The following AKAP17A variants were observed in gnomAD, a reference collection of about 807,000 sequenced individuals.
AKAP17A encodes the protein A-kinase anchoring protein 17A, also known as A-kinase anchor protein 17A.
AKAP17A carries 15 observed loss-of-function variants against 52.2 expected under a neutral mutation model. The ratio of observed to expected loss-of-function variants is 0.29; its 90% CI spans 0.19 to 0.44. The LOEUF is 0.44. Among genes scored for constraint, AKAP17A ranks in the 20% least tolerant of loss-of-function variants. The pLI is 1.00. For synonymous variants in AKAP17A, 514 were observed against 424.7 expected (o/e 1.21, Z -2.58); for missense variants, 1,060 against 1,007.0 (o/e 1.05, Z -0.71).
chrX:1,594,853 A>G (rs1398213641), intron 2 of AKAP17A, among the ~76,000 whole-genome samples: 4 of 152,104 alleles, frequency 2.6e-5, no homozygotes, highest in African/African-American at 9.7e-5. Context: ...TCCTGACCTC[A>G]TGAACTGCCT....
intron 4 of AKAP17A, chrX:1,599,697 G>A (rs1258306047): frequency 1.2e-5 from 8 of 641,736 alleles, no homozygotes; most frequent in African/African-American, 3.7e-5. Context: ...GCCTCCCGGG[G>A]GCCAGGGCAG....
intron 3 of AKAP17A, among the ~76,000 whole-genome samples, chrX:1,597,982 G>T (rs1205023619): frequency 6.6e-6 from 1 of 152,188 alleles, no homozygotes; most frequent in Non-Finnish European, 1.5e-5. Context: ...CAGAGGCTGA[G>T]CATGAGGGGA....
rs1452634976 is a variant in AKAP17A, at chrX:1,601,616, G to C, written c.*22G>C. On this transcript the variant is annotated 3_prime_UTR_variant, in exon 5 of 5. Transcript: ENST00000313871. ...GTAATGACGGGCACGGCCTCCCCAC[G>C]GCCTGTCCGGGAAAGACCAGGACCT... 7.1e-7 allele frequency: 1 copy of C among 1,407,708 alleles called. No individual in the cohort carries two copies. Among genetic ancestry groups the C allele is most frequent in the East Asian group, 2.7e-5 (1 of 37,070 alleles). 87.2% of individuals were successfully genotyped at this position (1,407,708 alleles called of 1,614,324 possible).
At position 1,601,711 on chromosome X, in the gene AKAP17A, C is replaced by T. The variant is rs1933396590; in HGVS notation, c.*117C>T. 7 of 955,158 alleles carry T rather than the reference C, an allele frequency of 7.3e-6. No homozygotes were observed. The East Asian group carries it at 2.2e-4, about 30-fold the overall frequency. 59.2% of individuals were successfully genotyped at this position (955,158 alleles called of 1,614,324 possible). ...TGCAAAGCCAAGACCCTTCTGCAGCCACGAATGTCCACGGAGCCCGCCGGC... is the reference window on the plus strand; with the variant it reads ...TGCAAAGCCAAGACCCTTCTGCAGCTACGAATGTCCACGGAGCCCGCCGGC... On this transcript the variant is annotated 3_prime_UTR_variant, in exon 5 of 5. Coordinates refer to ENST00000313871, the MANE Select transcript of AKAP17A (RefSeq NM_005088.3).
chrX:1,591,985 C>T (rs1368182619), intron 1 of AKAP17A, among the ~76,000 whole-genome samples: 17 of 109,470 alleles, frequency 1.6e-4, no homozygotes, highest in African/African-American at 5.9e-4. Flanking sequence ...GGTCGGGGTC[C>T]GGGGGTCCCT....
rs1463724802 is a variant in AKAP17A, at chrX:1,594,310, A to G, written c.762+86A>G. On this transcript the variant is annotated intron_variant, in intron 2 of 4. Coordinates refer to ENST00000313871, the MANE Select transcript of AKAP17A (RefSeq NM_005088.3). Reference sequence around the variant, plus strand: ...GGGTCAGCAGAACGCTCCCAGCCACACCCCTGAGGCTGTGGGGACCTCCCC... The same window carrying G: ...GGGTCAGCAGAACGCTCCCAGCCACGCCCCTGAGGCTGTGGGGACCTCCCC... 11 of 1,443,070 alleles carry G rather than the reference A, an allele frequency of 7.6e-6. No homozygotes were observed. The South Asian group carries it at 1.0e-4, about 13-fold the overall frequency. The allele number at this position is 1,443,070 out of a possible 1,614,324, so 89.4% of individuals were successfully genotyped here. A position where few individuals can be genotyped will look rare whatever the true frequency, so the allele number is the denominator to read the frequency against.
At chrX:1,592,665 C>G (rs1465855753) in intron 1 of AKAP17A, among the ~76,000 whole-genome samples, 6 of 152,080 alleles carry the variant, frequency 3.9e-5, no homozygotes, top group Non-Finnish European at 8.8e-5. Flanking sequence ...GGTGGGCGGC[C>G]GGGCCGGAGG....
chrX:1,601,692 GC>G lies in AKAP17A; in HGVS notation c.*100del. 8.4e-7 allele frequency: 1 copy of G among 1,191,426 alleles called. No individual in the cohort carries two copies. Among genetic ancestry groups the G allele is most frequent in the Non-Finnish European group, 1.1e-6 (1 of 919,050 alleles). 73.8% of individuals were successfully genotyped at this position (1,191,426 alleles called of 1,614,324 possible). ...GCCGCTCTCCGTCCACCCCTGCAAA[GC>G]CAAGACCCTTCTGCAGCCACGAATG... On this transcript the variant is annotated 3_prime_UTR_variant, in exon 5 of 5. Coordinates refer to ENST00000313871, the MANE Select transcript of AKAP17A (RefSeq NM_005088.3).
In AKAP17A at chrX:1,601,762, G is replaced by A. The variant is rs1292001065; in HGVS notation, c.*168G>A. The A allele has an allele frequency of 3.6e-6, 2 of 557,568 alleles. No individual in the cohort carries two copies. Among genetic ancestry groups the A allele is most frequent in the Non-Finnish European group, 5.7e-6 (2 of 353,282 alleles). 34.5% of individuals were successfully genotyped at this position (557,568 alleles called of 1,614,324 possible). On this transcript the variant is annotated 3_prime_UTR_variant, in exon 5 of 5. Coordinates refer to ENST00000313871, the MANE Select transcript of AKAP17A (RefSeq NM_005088.3). ...AGGAAGGAAGACACCATGCTTTAGAGATCCATCTTTCTCCACTCACCGCAG... is the reference window on the plus strand; with the variant it reads ...AGGAAGGAAGACACCATGCTTTAGAAATCCATCTTTCTCCACTCACCGCAG...
At chrX:1,598,300 C>T (rs1174713486) in intron 3 of AKAP17A, among the ~76,000 whole-genome samples, 4 of 151,958 alleles carry the variant, frequency 2.6e-5, no homozygotes, top group Admixed American at 2.0e-4. Flanking sequence ...GCACCTGGCC[C>T]GGCCCCCTTC....
At chrX:1,598,395 G>A (rs1213181880) in intron 3 of AKAP17A, among the ~76,000 whole-genome samples, 1 of 152,142 alleles carries the variant, frequency 6.6e-6, no homozygotes, top group Non-Finnish European at 1.5e-5. Context: ...TGTCTGCGTG[G>A]GTCTGTGTCA....
At chrX:1,595,929 G>T (rs1240655697) in intron 3 of AKAP17A, among the ~76,000 whole-genome samples, 2 of 152,120 alleles carry the variant, frequency 1.3e-5, no homozygotes, top group African/African-American at 4.8e-5. Context: ...TGCACGTATG[G>T]GTGTGTGTGC....
chrX:1,601,616 G>T lies in AKAP17A; in HGVS notation c.*22G>T. On this transcript the variant is annotated 3_prime_UTR_variant, in exon 5 of 5. Coordinates refer to ENST00000313871, the MANE Select transcript of AKAP17A (RefSeq NM_005088.3). ...GTAATGACGGGCACGGCCTCCCCAC[G>T]GCCTGTCCGGGAAAGACCAGGACCT... 2 of 1,407,824 alleles carry T rather than the reference G, an allele frequency of 1.4e-6. No individual in the cohort carries two copies. Among genetic ancestry groups the T allele is most frequent in the Non-Finnish European group, 1.8e-6 (2 of 1,088,008 alleles). 87.2% of individuals were successfully genotyped at this position (1,407,824 alleles called of 1,614,324 possible). A position where few individuals can be genotyped will look rare whatever the true frequency, so the allele number is the denominator to read the frequency against.
At position 1,594,043 on chromosome X, in the gene AKAP17A, C is replaced by T. The variant is rs1257340734; in HGVS notation, c.581C>T (p.Pro194Leu). The T allele has an allele frequency of 6.2e-7, 1 of 1,611,980 alleles. No homozygotes were observed. Reference sequence around the variant, plus strand: ...AATGTGGACATCCCCATGCTGGACCCCTACCGGGAGGAGATGACGGGCCGC... The same window carrying T: ...AATGTGGACATCCCCATGCTGGACCTCTACCGGGAGGAGATGACGGGCCGC... The part of the protein sequence containing the change: ...IRNVDIPMLD[P>L]YREEMTGRNF... Residue 194 changes from proline (P) to leucine (L), a missense_variant, in exon 2 of 5, where the codon CCC becomes CTC. This residue lies in a region of AKAP17A where 267 missense variants were observed against 377.1 expected (regional missense o/e 0.71). Coordinates refer to ENST00000313871, the MANE Select transcript of AKAP17A (RefSeq NM_005088.3).
intron 4 of AKAP17A, chrX:1,599,928 G>C: frequency 1.9e-6 from 1 of 517,028 alleles, no homozygotes; most frequent in Non-Finnish European, 3.5e-6. Flanking sequence ...GGTCTCACCA[G>C]CGCCGGTACT....
chrX:1,598,713 G>C (rs1285207793), intron 3 of AKAP17A, among the ~76,000 whole-genome samples: 1 of 152,168 alleles, frequency 6.6e-6, no homozygotes, highest in Admixed American at 6.5e-5. Context: ...TTTGTTTAGA[G>C]AGAGGTCCCC....
At chrX:1,598,636 C>T (rs1361542880) in intron 3 of AKAP17A, among the ~76,000 whole-genome samples, 1 of 152,172 alleles carries the variant, frequency 6.6e-6, no homozygotes, top group Non-Finnish European at 1.5e-5. Context: ...CGCATTCATC[C>T]TCACTTCCTG....
At chrX:1,597,284 G>A (rs778487199) in intron 3 of AKAP17A, among the ~76,000 whole-genome samples, 1 of 152,260 alleles carries the variant, frequency 6.6e-6, no homozygotes, top group East Asian at 1.9e-4. Context: ...TCTGAACCCC[G>A]AGGGCTCCTT....
At chrX:1,599,055 T>G (rs1933192736) in intron 3 of AKAP17A, 137 bp from the exon 4 acceptor site, 1 of 1,384,584 alleles carries the variant, frequency 7.2e-7, no homozygotes, top group African/African-American at 1.4e-5. Context: ...TCAACCGAGG[T>G]CCACCTTGGG....
Sources: gnomAD v4.1 joint callset for allele counts (sites outside exome capture counted in the v4.1 genomes callset) on GRCh38, gnomAD v4.1.1 for gene constraint, gnomAD v4.1.1 regional missense constraint, MANE v1.5 for transcripts, NCBI Gene and HGNC (gene_info 2026-07-23, HGNC 2026-07-21) for gene names.